Variants in GPC5 observed in about 807,000 individuals in gnomAD.
The protein encoded by GPC5 is glypican 5, also known as glypican-5.
In GPC5, 47 loss-of-function variants were observed where a neutral mutation model predicts 53.9. That is an observed-to-expected ratio of 0.87 (90% CI 0.69 to 1.11). The LOEUF (loss-of-function observed/expected upper bound fraction) is 1.11. Ranked by LOEUF, GPC5 falls within the 50% of genes most tolerant of loss-of-function variation. The pLI, the probability that GPC5 is intolerant of heterozygous loss-of-function variation, is 0.00. For missense variants in GPC5, 748 were observed against 713.1 expected (o/e 1.05, Z -0.56); for synonymous variants, 286 against 263.3 (o/e 1.09, Z -0.84).
Position 91,693,365 on chromosome 13 carries a change from C to T in GPC5, c.504C>T (p.Asp168=), listed in dbSNP as rs375957599. 16 of 1,613,906 alleles carry T rather than the reference C, an allele frequency of 9.9e-6. No homozygotes were observed. The African/African-American group carries it at 1.6e-4, about 16-fold the overall frequency. ...NPEEFVNRFF[D]SLFPLVYNHL... ...AAGAATTTGTAAACAGATTTTTTGACAGTCTTTTTCCTCTGGTCTACAACC... is the reference window on the plus strand; with the variant it reads ...AAGAATTTGTAAACAGATTTTTTGATAGTCTTTTTCCTCTGGTCTACAACC... Residue 168 remains aspartate, a synonymous_variant, in exon 3 of 8, where the codon GAC becomes GAT. Transcript: ENST00000377067.
At chr13:91,506,691 A>G (rs1179017931) in intron 2 of GPC5, among the ~76,000 whole-genome samples, 2 of 151,554 alleles carry the variant, frequency 1.3e-5, no homozygotes, top group Non-Finnish European at 2.9e-5. Flanking sequence ...TGACATAGAA[A>G]AAATGACTTT....
intron 7 of GPC5, among the ~76,000 whole-genome samples, chr13:92,721,074 T>A (rs1304848982): frequency 1.3e-5 from 2 of 152,010 alleles, no homozygotes; most frequent in Non-Finnish European, 1.5e-5. Flanking sequence ...CCAGCAAAGG[T>A]CACTGGATAG....
chr13:92,513,928 A>C (rs891439025), intron 7 of GPC5, among the ~76,000 whole-genome samples: 1 of 152,234 alleles, frequency 6.6e-6, no homozygotes, highest in Non-Finnish European at 1.5e-5. Context: ...GCACTCAAAA[A>C]GTTTCAGATT....
At chr13:92,554,508 CATA>C (rs1208671325) in intron 7 of GPC5, among the ~76,000 whole-genome samples, 1 of 149,990 alleles carries the variant, frequency 6.7e-6, no homozygotes, top group Non-Finnish European at 1.5e-5. Flanking sequence ...TTAAAAAAAA[CATA>C]ATAATCCAAT....
At chr13:92,193,568 C>T (rs1030144633) in intron 7 of GPC5, among the ~76,000 whole-genome samples, 4 of 152,130 alleles carry the variant, frequency 2.6e-5, no homozygotes, top group Non-Finnish European at 4.4e-5. Context: ...GATAAAACTA[C>T]CTCTTAAGAA....
chr13:91,802,185 C>T (rs892239701), intron 5 of GPC5, among the ~76,000 whole-genome samples: 1 of 151,206 alleles, frequency 6.6e-6, no homozygotes, highest in South Asian at 2.1e-4. Flanking sequence ...TTACAGTTCT[C>T]AAAGATGGTG....
At chr13:92,581,015 A>G (rs1423876739) in intron 7 of GPC5, among the ~76,000 whole-genome samples, 1 of 152,208 alleles carries the variant, frequency 6.6e-6, no homozygotes, top group African/African-American at 2.4e-5. Context: ...ACATTATAGA[A>G]TGATTAAATC....
intron 2 of GPC5, among the ~76,000 whole-genome samples, chr13:91,535,186 T>C (rs2138691807): frequency 6.6e-6 from 1 of 152,330 alleles, no homozygotes; most frequent in East Asian, 1.9e-4. Context: ...CTTGTTTCTC[T>C]GACATTTGTT....
intron 7 of GPC5, among the ~76,000 whole-genome samples, chr13:92,562,648 G>A (rs1012129474): frequency 1.3e-5 from 2 of 151,898 alleles, no homozygotes; most frequent in African/African-American, 2.4e-5. Context: ...AATATGCTGC[G>A]AAATCATCTT....
rs1247516100 is a variant in GPC5 at position 92,493,602 on chromosome 13, G to A, written c.1561+348613G>A. Among the ~76,000 whole-genome samples the A allele has an allele frequency of 2.6e-5, 4 of 152,104 alleles. No individual in the cohort carries two copies. The East Asian group carries it at 7.7e-4, about 29-fold the overall frequency. ...AGGGAGATTTAATCCTCAGTCTCAA[G>A]GTCTGTCTTCAAGATATCTTGCCGT... On this transcript the variant is annotated intron_variant, in intron 7 of 7. Transcript: ENST00000377067.
intron 6 of GPC5, among the ~76,000 whole-genome samples, chr13:92,055,408 A>T (rs1197823031): frequency 1.3e-5 from 2 of 152,326 alleles, no homozygotes; most frequent in Admixed American, 1.3e-4. Flanking sequence ...AAGGTTTATT[A>T]ATTATAAATT....
intron 5 of GPC5, among the ~76,000 whole-genome samples, chr13:91,790,120 C>T (rs1031684961): frequency 7.9e-5 from 12 of 152,176 alleles, no homozygotes; most frequent in Admixed American, 2.0e-4. Context: ...TGAGGACAAA[C>T]CAACATTCAT....
intron 7 of GPC5, among the ~76,000 whole-genome samples, chr13:92,778,755 C>T (rs1594500825): frequency 6.6e-6 from 1 of 152,118 alleles, no homozygotes; most frequent in African/African-American, 2.4e-5. Flanking sequence ...TTAGACTTAG[C>T]TATTCACATA....
At chr13:92,426,402 G>C (rs1876836407) in intron 7 of GPC5, among the ~76,000 whole-genome samples, 1 of 151,998 alleles carries the variant, frequency 6.6e-6, no homozygotes. Flanking sequence ...CTGCTGTACT[G>C]CTTTTCTCAG....
At chr13:91,595,162 T>C (rs1308471302) in intron 2 of GPC5, among the ~76,000 whole-genome samples, 1 of 151,812 alleles carries the variant, frequency 6.6e-6, no homozygotes, top group Non-Finnish European at 1.5e-5. Context: ...GGACTACAGA[T>C]GTATGCCACC....
Position 91,997,056 on chromosome 13 carries a change from A to AT in GPC5, c.1401+89006dup, listed in dbSNP as rs559961054. 7.2e-5 allele frequency among the ~76,000 whole-genome samples: 11 copies of AT among 152,082 alleles called. No individual in the cohort carries two copies. The East Asian group carries it at 1.4e-3, about 19-fold the overall frequency. ...TATTAGGAATATCGGTGATACACAC[A>AT]TTTTTTTATTTTTGGTACATGTGAA... On this transcript the variant is annotated intron_variant, in intron 6 of 7. Transcript: ENST00000377067.
intron 2 of GPC5, among the ~76,000 whole-genome samples, chr13:91,559,177 A>G (rs928659848): frequency 6.6e-6 from 1 of 152,134 alleles, no homozygotes; most frequent in African/African-American, 2.4e-5. Context: ...GGATGCCAGA[A>G]ATCTACTGCA....
chr13:91,736,962 A>G (rs2036828550), intron 4 of GPC5, among the ~76,000 whole-genome samples: 1 of 149,578 alleles, frequency 6.7e-6, no homozygotes, highest in Non-Finnish European at 1.5e-5. Context: ...TATTATTATT[A>G]TTATTATTAT....
chr13:92,676,395 T>G (rs1320514795), intron 7 of GPC5, among the ~76,000 whole-genome samples: 2 of 152,192 alleles, frequency 1.3e-5, no homozygotes, highest in Non-Finnish European at 1.5e-5. Context: ...GTGATTTTTT[T>G]AGGAGATACA....
Sources: gnomAD v4.1 joint callset for allele counts (sites outside exome capture counted in the v4.1 genomes callset) on GRCh38, gnomAD v4.1.1 for gene constraint, MANE v1.5 for transcripts, NCBI Gene and HGNC (gene_info 2026-07-23, HGNC 2026-07-21) for gene names.